The following TBX15 variants were observed in gnomAD, a reference collection of about 807,000 sequenced individuals.
TBX15 encodes the protein T-box transcription factor TBX15.
TBX15 carries 18 observed loss-of-function variants against 53.9 expected under a neutral mutation model. That is an observed-to-expected ratio of 0.33 (90% CI 0.23 to 0.49). TBX15 has a LOEUF of 0.49. Ranked by LOEUF, TBX15 falls within the 20% of genes least tolerant of loss-of-function variation. The probability of loss-of-function intolerance (pLI) is 0.98; values close to 1 mark genes in which losing one functional copy is unlikely to be tolerated. For synonymous variants in TBX15, 295 were observed against 278.0 expected (o/e 1.06, Z -0.61); for missense variants, 692 against 749.5 (o/e 0.92, Z 0.90).
intron 1 of TBX15, among the ~76,000 whole-genome samples, chr1:118,946,953 G>A (rs541941398): frequency 6.6e-6 from 1 of 152,162 alleles, no homozygotes; most frequent in Non-Finnish European, 1.5e-5. Flanking sequence ...AGCTTACCAG[G>A]TTCTTTCTCC....
intron 1 of TBX15, among the ~76,000 whole-genome samples, chr1:118,965,696 T>C (rs1377313980): frequency 6.6e-6 from 1 of 151,808 alleles, no homozygotes; most frequent in Non-Finnish European, 1.5e-5. Context: ...TCAATAAACA[T>C]TATGAAAGAT....
intron 1 of TBX15, among the ~76,000 whole-genome samples, chr1:118,960,569 C>T (rs1048420155): frequency 6.6e-6 from 1 of 152,138 alleles, no homozygotes; most frequent in Non-Finnish European, 1.5e-5. Context: ...CACAATTGAG[C>T]GACCAGGAGG....
chr1:118,901,066 C>T (rs975836740), intron 6 of TBX15, among the ~76,000 whole-genome samples: 1 of 152,214 alleles, frequency 6.6e-6, no homozygotes, highest in South Asian at 2.1e-4. Flanking sequence ...TATACTGATA[C>T]ACTGCCAATA....
chr1:118,907,786 C>T (rs1319167380), intron 6 of TBX15, among the ~76,000 whole-genome samples: 5 of 152,146 alleles, frequency 3.3e-5, no homozygotes, highest in African/African-American at 1.2e-4. Flanking sequence ...AATTTTACCT[C>T]TTGGTTCACT....
chr1:118,979,416 C>G lies in TBX15; in HGVS notation c.205+8175G>C, dbSNP rs77276531. Among the ~76,000 whole-genome samples, 374 of 152,094 alleles carry G rather than the reference C, an allele frequency of 2.5e-3. 2 individuals carry two copies. The highest frequency in any genetic ancestry group is 8.5e-3 in the African/African-American group (354 of 41,484). On this transcript the variant is annotated intron_variant, in intron 1 of 7. Coordinates refer to ENST00000369429, the MANE Select transcript of TBX15 (RefSeq NM_001330677.2). Reference sequence around the variant, plus strand: ...AGACTAGCTACGATATATACTGACCCTAGATTTACCCATTTGGAAATGGTT... The same window carrying G: ...AGACTAGCTACGATATATACTGACCGTAGATTTACCCATTTGGAAATGGTT...
At chr1:118,899,857 T>A (rs181337171) in intron 6 of TBX15, among the ~76,000 whole-genome samples, 1 of 152,296 alleles carries the variant, frequency 6.6e-6, no homozygotes, top group East Asian at 1.9e-4. Flanking sequence ...TATCCAACAT[T>A]TTACGAGTAC....
At chr1:118,913,993 A>C in intron 6 of TBX15, 122 bp downstream of exon 6, 1 of 931,222 alleles carries the variant, frequency 1.1e-6, no homozygotes, top group Non-Finnish European at 1.7e-6. Flanking sequence ...TCTTTGCCGA[A>C]GTGTACACAG....
At chr1:118,921,909 T>G (rs1014273556) in intron 5 of TBX15, among the ~76,000 whole-genome samples, 4 of 152,170 alleles carry the variant, frequency 2.6e-5, no homozygotes, top group Non-Finnish European at 5.9e-5. Flanking sequence ...CAGTAAGAGG[T>G]GAAAATAGCT....
At position 118,921,663 on chromosome 1, in the gene TBX15, C is replaced by T. The variant is rs116226245; in HGVS notation, c.861+1773G>A. Among the ~76,000 whole-genome samples, 1,400 of 152,316 alleles carry T rather than the reference C, an allele frequency of 9.2e-3. 24 individuals carry two copies. The highest frequency in any genetic ancestry group is 0.032 in the African/African-American group (1,320 of 41,560). On this transcript the variant is annotated intron_variant, in intron 5 of 7. Coordinates refer to ENST00000369429, the MANE Select transcript of TBX15 (RefSeq NM_001330677.2). ...CCATTGCTGTCTGTGGAGCAGGACACTGCTTTTCCTTAGAAAGTCTGGGTA... is the reference window on the plus strand; with the variant it reads ...CCATTGCTGTCTGTGGAGCAGGACATTGCTTTTCCTTAGAAAGTCTGGGTA...
At chr1:118,904,175 T>TC (rs2101528246) in intron 6 of TBX15, among the ~76,000 whole-genome samples, 1 of 152,276 alleles carries the variant, frequency 6.6e-6, no homozygotes, top group East Asian at 1.9e-4. Context: ...TTAGATTTTG[T>TC]CCCATGGGTG....
chr1:118,934,621 C>G (rs1655905377), intron 1 of TBX15, among the ~76,000 whole-genome samples: 1 of 152,212 alleles, frequency 6.6e-6, no homozygotes, highest in Admixed American at 6.5e-5. Context: ...TCTTCAAGTA[C>G]AGTACAGTGG....
At chr1:118,953,094 C>T (rs1484123675) in intron 1 of TBX15, among the ~76,000 whole-genome samples, 6 of 148,434 alleles carry the variant, frequency 4.0e-5, no homozygotes, top group Non-Finnish European at 9.0e-5. Context: ...AAAAAAAATA[C>T]ACCTGTGGCC....
intron 5 of TBX15, among the ~76,000 whole-genome samples, chr1:118,920,364 G>A (rs141161641): frequency 1.3e-5 from 2 of 152,236 alleles, no homozygotes; most frequent in African/African-American, 4.8e-5. Flanking sequence ...TTTTTGAAGA[G>A]TAGAAGGAAT....
At chr1:118,961,688 A>G (rs1016800026) in intron 1 of TBX15, among the ~76,000 whole-genome samples, 1 of 152,212 alleles carries the variant, frequency 6.6e-6, no homozygotes, top group African/African-American at 2.4e-5. Context: ...TAGTACTAGC[A>G]GAGCTGGGAG....
At chr1:118,937,639 T>G (rs1281144717) in intron 1 of TBX15, among the ~76,000 whole-genome samples, 1 of 152,224 alleles carries the variant, frequency 6.6e-6, no homozygotes, top group Non-Finnish European at 1.5e-5. Context: ...ATGCACAGTG[T>G]TACTTCTGTA....
intron 6 of TBX15, among the ~76,000 whole-genome samples, chr1:118,908,771 C>T (rs1282343295): frequency 6.6e-6 from 1 of 152,062 alleles, no homozygotes; most frequent in Non-Finnish European, 1.5e-5. Flanking sequence ...CTCACACACA[C>T]ACACACACTC....
chr1:118,929,828 C>T (rs181227478), intron 2 of TBX15, among the ~76,000 whole-genome samples: 7 of 147,424 alleles, frequency 4.7e-5, no homozygotes, highest in Admixed American at 1.4e-4. Context: ...AGTAAAAACC[C>T]AAAAAGAATA....
intron 1 of TBX15, among the ~76,000 whole-genome samples, chr1:118,965,857 T>G (rs1657020161): frequency 1.3e-5 from 2 of 152,208 alleles, no homozygotes; most frequent in South Asian, 4.1e-4. Context: ...TCTCTTTTCA[T>G]TTTAAAGGTT....
intron 1 of TBX15, among the ~76,000 whole-genome samples, chr1:118,935,361 C>A (rs1655936493): frequency 6.6e-6 from 1 of 152,088 alleles, no homozygotes; most frequent in Non-Finnish European, 1.5e-5. Flanking sequence ...TCAAAAAACA[C>A]CTCTGTGTTT....
Sources: allele counts gnomAD v4.1 joint callset (sites outside exome capture counted in the v4.1 genomes callset), GRCh38; gene constraint gnomAD v4.1.1; transcripts MANE v1.5; gene names NCBI Gene and HGNC (gene_info 2026-07-23, HGNC 2026-07-21).